The following LRRC72 variants were observed in gnomAD, a reference collection of about 807,000 sequenced individuals.
The protein encoded by LRRC72 is leucine rich repeat containing 72.
A neutral mutation model predicts 35.8 loss-of-function variants in LRRC72; 41 were observed. That is an observed-to-expected ratio of 1.15 (90% CI 0.89 to 1.49). The LOEUF (loss-of-function observed/expected upper bound fraction) is 1.49. Ranked by LOEUF, LRRC72 falls within the 40% of genes most tolerant of loss-of-function variation. The pLI is 0.00. For missense variants in LRRC72, 389 were observed against 330.7 expected (o/e 1.18, Z -1.37); for synonymous variants, 118 against 119.2 (o/e 0.99, Z 0.07).
chr7:16,578,968 G>A (rs1783093493), intron 7 of LRRC72, among the ~76,000 whole-genome samples: 1 of 152,092 alleles, frequency 6.6e-6, no homozygotes, highest in South Asian at 2.1e-4. Context: ...GTGGGGAAGG[G>A]GAAATGGGGA....
In LRRC72 at chr7:16,567,452, C is replaced by T. The variant is rs1179719197; in HGVS notation, c.579C>T (p.Ile193=). 3.9e-6 allele frequency: 6 copies of T among 1,528,106 alleles called. No homozygotes were observed. The highest frequency in any genetic ancestry group is 2.5e-5 in the South Asian group (2 of 79,920). The allele number at this position is 1,528,106 out of a possible 1,614,324, so 94.7% of individuals were successfully genotyped here. The change falls in exon 7 of 9, where the codon ATC becomes ATT. Residue 193 remains isoleucine (I), a synonymous_variant. Coordinates refer to ENST00000401542, the MANE Select transcript of LRRC72 (RefSeq NM_001195280.2). ...TTTTTAACCATAAAAAGGCTCATAT[C>T]GTTCAATCAATAGCATTCGGAGGAA... ...ITIFNHKKAH[I]VQSIAFGGKV...
At position 16,532,563 on chromosome 7, in the gene LRRC72, T is replaced by A. The variant is rs1222363647; in HGVS notation, c.159T>A (p.Ser53=). ...RDADVFELFL[S]KKELTEVIDL... is the part of the protein sequence containing the mutation. ...CTGATGTCTTTGAGCTGTTCCTTTCTAAAAAGTAAGTGTACTTAACATAAA... is the reference window on the plus strand; with the variant it reads ...CTGATGTCTTTGAGCTGTTCCTTTCAAAAAAGTAAGTGTACTTAACATAAA... Residue 53 remains serine, a synonymous_variant, in exon 2 of 9, where the codon TCT becomes TCA. Coordinates refer to ENST00000401542, the MANE Select transcript of LRRC72 (RefSeq NM_001195280.2). 6.5e-7 allele frequency: 1 copy of A among 1,547,136 alleles called. No individual in the cohort carries two copies. Among genetic ancestry groups the A allele is most frequent in the African/African-American group, 1.4e-5 (1 of 72,978 alleles).
intron 6 of LRRC72, among the ~76,000 whole-genome samples, chr7:16,566,985 T>C (rs981849695): frequency 6.6e-6 from 1 of 152,106 alleles, no homozygotes; most frequent in African/African-American, 2.4e-5. Context: ...CTACTTACCT[T>C]TCTGTCTCTG....
At chr7:16,580,036 T>C (rs1364848778) in intron 7 of LRRC72, 38 bp from the exon 8 acceptor site, 2 of 412,654 alleles carry the variant, frequency 4.8e-6, no homozygotes, top group East Asian at 1.8e-4. Flanking sequence ...TGGATAAATA[T>C]TTTAAAATAC....
At chr7:16,577,751 G>A (rs1562755739) in intron 7 of LRRC72, among the ~76,000 whole-genome samples, 2 of 151,894 alleles carry the variant, frequency 1.3e-5, no homozygotes, top group African/African-American at 4.8e-5. Flanking sequence ...TAAACGACAT[G>A]GACAAGACAT....
Position 16,537,627 on chromosome 7 carries a change from G to T in LRRC72, c.165G>T (p.Lys55Asn). 6.6e-7 allele frequency: 1 copy of T among 1,515,368 alleles called. No homozygotes were observed. Among genetic ancestry groups the T allele is most frequent in the Non-Finnish European group, 8.9e-7 (1 of 1,127,894 alleles). 93.9% of individuals were successfully genotyped at this position (1,515,368 alleles called of 1,614,324 possible). ...ADVFELFLSK[K>N]ELTEVIDLSR... is the part of the protein sequence containing the mutation. ...GTTCACATTTTTTTTTTCTTTCCAG[G>T]GAACTGACAGAGGTCATTGATCTTT... Residue 55 changes from lysine to asparagine, a missense_variant and splice_region_variant, in exon 3 of 9, where the codon AAG becomes AAT. Transcript: ENST00000401542.
Position 16,532,492 on chromosome 7 carries a change from C to T in LRRC72, c.91-3C>T. Reference sequence around the variant, plus strand: ...GTTTGACAGATTAATTATATGTTATCAGGCAGTTGAAGATCAGCTAAAGAT... The same window carrying T: ...GTTTGACAGATTAATTATATGTTATTAGGCAGTTGAAGATCAGCTAAAGAT... On this transcript the variant is annotated splice_polypyrimidine_tract_variant and splice_region_variant and intron_variant, in intron 1 of 8. Coordinates refer to ENST00000401542, the MANE Select transcript of LRRC72 (RefSeq NM_001195280.2). 6.5e-7 allele frequency: 1 copy of T among 1,547,154 alleles called. No homozygotes were observed. Among genetic ancestry groups the T allele is most frequent in the Non-Finnish European group, 8.7e-7 (1 of 1,143,872 alleles).
rs543687771 is a variant in LRRC72, at chr7:16,547,540, G to T, written c.235-9820G>T. On this transcript the variant is annotated intron_variant, in intron 3 of 8. Transcript: ENST00000401542. ...CCAGGCATCTCCCTGCACTCTCGGG[G>T]ACCCAGGAAGGCCCCTCTTATGCCT... Among the ~76,000 whole-genome samples the T allele has an allele frequency of 9.8e-5, 15 of 152,314 alleles. No homozygotes were observed. The South Asian group carries it at 1.7e-3, about 17-fold the overall frequency.
rs535539433 is a variant in LRRC72 at position 16,560,350 on chromosome 7, A to G, written c.427+1351A>G. On this transcript the variant is annotated intron_variant, in intron 5 of 8. Coordinates refer to ENST00000401542, the MANE Select transcript of LRRC72 (RefSeq NM_001195280.2). ...ATATATTGTTAGTGTTATCAGTTAT[A>G]TCTACTGTACTGAGGGAAAATGATT... 4.6e-5 allele frequency among the ~76,000 whole-genome samples: 7 copies of G among 152,334 alleles called. No homozygotes were observed. In the East Asian group the frequency reaches 1.3e-3, roughly 29 times the overall value.
chr7:16,558,913 A>C lies in LRRC72; in HGVS notation c.341A>C (p.His114Pro), dbSNP rs946278146. 6.6e-7 allele frequency: 1 copy of C among 1,514,926 alleles called. No homozygotes were observed. The highest frequency in any genetic ancestry group is 8.9e-7 in the Non-Finnish European group (1 of 1,126,032). 93.8% of individuals were successfully genotyped at this position (1,514,926 alleles called of 1,614,324 possible). The change falls in exon 5 of 9, where the codon CAT becomes CCT. Residue 114 changes from histidine (H) to proline (P), a missense_variant. Coordinates refer to ENST00000401542, the MANE Select transcript of LRRC72 (RefSeq NM_001195280.2). ...GGTCTGCATTATTTGCCTTCATTGC[A>C]TATACTCCTGCTACACCACAATGAG... ...IEGLHYLPSLHILLLHHNELT... is the reference protein window; with the variant it reads ...IEGLHYLPSLPILLLHHNELT...
At chr7:16,567,139 G>A (rs996620876) in intron 6 of LRRC72, among the ~76,000 whole-genome samples, 2 of 152,114 alleles carry the variant, frequency 1.3e-5, no homozygotes, top group Non-Finnish European at 2.9e-5. Context: ...CATCCTTGGT[G>A]ATGTGTTAAA....
intron 7 of LRRC72, among the ~76,000 whole-genome samples, chr7:16,570,611 G>A (rs1782926302): frequency 6.6e-6 from 1 of 152,102 alleles, no homozygotes; most frequent in African/African-American, 2.4e-5. Flanking sequence ...CTGAGGTCAG[G>A]AGTTTGAGAC....
intron 5 of LRRC72, among the ~76,000 whole-genome samples, chr7:16,559,633 C>T (rs553203518): frequency 6.6e-6 from 1 of 151,734 alleles, no homozygotes; most frequent in East Asian, 1.9e-4. Context: ...CAAGTAGGCA[C>T]ATCTATAGGG....
At chr7:16,553,339 C>T (rs1782589116) in intron 3 of LRRC72, among the ~76,000 whole-genome samples, 1 of 152,198 alleles carries the variant, frequency 6.6e-6, no homozygotes, top group South Asian at 2.1e-4. Context: ...TGAATGTTCA[C>T]TCTGCTACTA....
chr7:16,530,207 G>A (rs1782138731), intron 1 of LRRC72: 1 of 152,160 alleles, frequency 6.6e-6, no homozygotes, highest in African/African-American at 2.4e-5. Flanking sequence ...AGGCTGAGAA[G>A]TCCCACAATC....
rs983542075 is a variant in LRRC72 at position 16,537,763 on chromosome 7, G to T, written c.234+67G>T. 78 of 918,258 alleles carry T rather than the reference G, an allele frequency of 8.5e-5. No homozygotes were observed. The Admixed American group carries it at 1.1e-3, about 13-fold the overall frequency. 56.9% of individuals were successfully genotyped at this position (918,258 alleles called of 1,614,324 possible). ...CTATCTTAATTTTGTATTCCTAATA[G>T]AGCTAATCTTTAAAAGTATTAAAAT... is the stretch of plus-strand genomic sequence containing the variant. On this transcript the variant is annotated intron_variant, in intron 3 of 8. Transcript: ENST00000401542.
intron 7 of LRRC72, among the ~76,000 whole-genome samples, chr7:16,572,883 T>C (rs1199612683): frequency 2.6e-5 from 4 of 152,132 alleles, no homozygotes; most frequent in African/African-American, 9.7e-5. Context: ...GCAGATGACA[T>C]GATTACATAT....
chr7:16,543,416 A>AT (rs897298605), intron 3 of LRRC72, among the ~76,000 whole-genome samples: 186 of 152,154 alleles, frequency 1.2e-3, no homozygotes, highest in African/African-American at 2.9e-3. Context: ...AAGGGAATGC[A>AT]TTTTTTTTGT....
intron 2 of LRRC72, among the ~76,000 whole-genome samples, chr7:16,536,726 T>G (rs1782265313): frequency 6.6e-6 from 1 of 152,172 alleles, no homozygotes; most frequent in African/African-American, 2.4e-5. Flanking sequence ...AGAAAAATAT[T>G]AGTCCTTCAG....
Sources: gnomAD v4.1 joint callset for allele counts (sites outside exome capture counted in the v4.1 genomes callset) on GRCh38, gnomAD v4.1.1 for gene constraint, MANE v1.5 for transcripts, NCBI Gene and HGNC (gene_info 2026-07-23, HGNC 2026-07-21) for gene names.